The following ATIC variants were observed in gnomAD, a reference collection of about 807,000 sequenced individuals.
ATIC encodes the protein 5-aminoimidazole-4-carboxamide ribonucleotide formyltransferase/IMP cyclohydrolase.
Under a neutral mutation model 72.5 loss-of-function variants are expected in ATIC, and 64 were observed. That is an observed-to-expected ratio of 0.88 (90% CI 0.72 to 1.09). The LOEUF (loss-of-function observed/expected upper bound fraction) is 1.09. Ranked by LOEUF, ATIC falls within the 50% of genes least tolerant of loss-of-function variation. The pLI, the probability that ATIC is intolerant of heterozygous loss-of-function variation, is 0.00. For missense variants in ATIC, 787 were observed against 732.4 expected, an observed-to-expected ratio of 1.07 and a Z score of -0.86; for synonymous variants, 281 against 267.1, an observed-to-expected ratio of 1.05 and a Z score of -0.51.
intron 14 of ATIC, chr2:215,347,498 C>G: frequency 2.2e-6 from 1 of 450,270 alleles, no homozygotes; most frequent in Non-Finnish European, 4.4e-6. Context: ...AAGAAAAGAT[C>G]TAGCCCAGTT....
chr2:215,350,413 G>A (rs931769187), downstream of ATIC, among the ~76,000 whole-genome samples: 6 of 152,102 alleles, frequency 3.9e-5, no homozygotes, highest in East Asian at 1.9e-4. Context: ...GATTACGGGC[G>A]TGAGCCACCG....
intron 4 of ATIC, among the ~76,000 whole-genome samples, chr2:215,320,574 CTTAAT>C (rs1183478807): frequency 5.3e-5 from 8 of 151,854 alleles, no homozygotes; most frequent in Admixed American, 3.3e-4. Flanking sequence ...AACTTTTATT[CTTAAT>C]TTAATTTAAT....
At position 215,346,804 on chromosome 2, in the gene ATIC, C is replaced by A. The variant is rs534692502; in HGVS notation, c.1366C>A (p.Arg456Ser). 1.9e-6 allele frequency: 3 copies of A among 1,614,152 alleles called. No homozygotes were observed. In the Admixed American group the frequency reaches 5.0e-5, roughly 27 times the overall value. Residue 456 changes from arginine (R) to serine (S), a missense_variant, in exon 14 of 16, where the codon CGC (arginine) becomes AGC (serine). By Grantham distance (110) the Arg-to-Ser change is moderately radical. Transcript: ENST00000236959. The stretch of plus-strand genomic sequence containing the variant: ...ACAGCAGTCTCGTATACACTGCACT[C>A]GCCTTGCAGGAGATAAGGCAAACTA... ...AGQQSRIHCTRLAGDKANYWW... is the reference protein window; with the variant it reads ...AGQQSRIHCTSLAGDKANYWW...
Position 215,349,674 on chromosome 2 carries a change from T to G in ATIC, c.*19T>G. On this transcript the variant is annotated 3_prime_UTR_variant, in exon 16 of 16. Coordinates refer to ENST00000236959, the MANE Select transcript of ATIC (RefSeq NM_004044.7). ...CCACTGATTTTACCACACACTGTTT[T>G]TTGGCTTGCTTATGTGTAGGTGAAC... 1 of 1,614,158 alleles carries G rather than the reference T, an allele frequency of 6.2e-7. No individual in the cohort carries two copies. Among genetic ancestry groups the G allele is most frequent in the Non-Finnish European group, 8.5e-7 (1 of 1,180,022 alleles).
the ATIC span, among the ~76,000 whole-genome samples, chr2:215,356,087 C>G: frequency 5.3e-5 from 8 of 152,214 alleles, no homozygotes; most frequent in African/African-American, 1.7e-4. Context: ...CCCGCACTTT[C>G]AATTTGTAGA....
chr2:215,333,134 G>A (rs1286830771), intron 8 of ATIC, among the ~76,000 whole-genome samples: 1 of 152,126 alleles, frequency 6.6e-6, no homozygotes, highest in Non-Finnish European at 1.5e-5. Context: ...GTGGCTCTGT[G>A]GTTTTGGAGG....
chr2:215,333,182 A>G (rs1015363238), intron 8 of ATIC, among the ~76,000 whole-genome samples, 168 bp from the exon 9 acceptor site: 2 of 152,340 alleles, frequency 1.3e-5, no homozygotes, highest in Middle Eastern at 3.4e-3. Flanking sequence ...TCCCACAACC[A>G]TATTTTTAGT....
At chr2:215,335,716 T>C (rs930156232) in intron 10 of ATIC, among the ~76,000 whole-genome samples, 2 of 152,238 alleles carry the variant, frequency 1.3e-5, no homozygotes, top group African/African-American at 2.4e-5. Context: ...AGGACTAGAA[T>C]GTGCTCTTGC....
chr2:215,338,741 G>A lies in ATIC; in HGVS notation c.1099-38G>A, dbSNP rs1317582730. 4 of 1,603,806 alleles carry A rather than the reference G, an allele frequency of 2.5e-6. No homozygotes were observed. The African/African-American group carries it at 5.4e-5, about 22-fold the overall frequency. ...ATTAAATGAAAAATTTGAGGGAAGT[G>A]GAGAGATTAACTTTAACTTTTAAAA... On this transcript the variant is annotated intron_variant, in intron 11 of 15. Coordinates refer to ENST00000236959, the MANE Select transcript of ATIC (RefSeq NM_004044.7).
At position 215,333,271 on chromosome 2, in the gene ATIC, A is replaced by G; in HGVS notation, c.815-79A>G. 3 of 1,252,902 alleles carry G rather than the reference A, an allele frequency of 2.4e-6. No homozygotes were observed. The South Asian group carries it at 3.6e-5, about 15-fold the overall frequency. 77.6% of individuals were successfully genotyped at this position (1,252,902 alleles called of 1,614,324 possible). A position where few individuals can be genotyped will look rare whatever the true frequency, so the allele number is the denominator to read the frequency against. ...AATGTGCTGCGTAGACTGGGTGTTA[A>G]GAAAACTGTCTTGATTTAGGAGTTG... On this transcript the variant is annotated intron_variant, in intron 8 of 15. Coordinates refer to ENST00000236959, the MANE Select transcript of ATIC (RefSeq NM_004044.7).
chr2:215,356,355 T>C, the ATIC span, among the ~76,000 whole-genome samples: 1 of 152,250 alleles, frequency 6.6e-6, no homozygotes, highest in African/African-American at 2.4e-5. Flanking sequence ...ACAAAGTTTC[T>C]GAGTTCCTTC....
chr2:215,314,573 A>G (rs1575111804), intron 2 of ATIC, among the ~76,000 whole-genome samples: 2 of 151,270 alleles, frequency 1.3e-5, no homozygotes, highest in Admixed American at 1.3e-4. Context: ...GTCTCAGCTC[A>G]CTGCAACCTC....
chr2:215,367,993 C>T, the ATIC span: 8 of 1,614,014 alleles, frequency 5.0e-6, no homozygotes, highest in Admixed American at 3.3e-5. Context: ...GGTCAAAGCA[C>T]GAGTCATCCG....
At chr2:215,358,737 G>A in the ATIC span, among the ~76,000 whole-genome samples, 1 of 152,162 alleles carries the variant, frequency 6.6e-6, no homozygotes. Context: ...TCACTTTGGA[G>A]AATCCAACAG....
At chr2:215,313,745 C>G (rs1051238479) in intron 2 of ATIC, among the ~76,000 whole-genome samples, 5 of 152,106 alleles carry the variant, frequency 3.3e-5, no homozygotes, top group Non-Finnish European at 7.4e-5. Context: ...TTAACAAGTT[C>G]AGATGGTAAG....
chr2:215,341,898 C>T (rs1280820836), intron 12 of ATIC, among the ~76,000 whole-genome samples: 1 of 152,086 alleles, frequency 6.6e-6, no homozygotes, highest in Admixed American at 6.6e-5. Flanking sequence ...TTAATTGACT[C>T]ACAGTTCCAC....
the ATIC span, chr2:215,362,173 A>G: frequency 2.1e-5 from 18 of 841,972 alleles, no homozygotes; most frequent in Non-Finnish European, 3.2e-5. Flanking sequence ...GTCACATCAT[A>G]TGCACTGGCA....
chr2:215,349,701 G>A lies in ATIC; in HGVS notation c.*46G>A, dbSNP rs956555453. 6.2e-7 allele frequency: 1 copy of A among 1,613,844 alleles called. No homozygotes were observed. The highest frequency in any genetic ancestry group is 8.5e-7 in the Non-Finnish European group (1 of 1,179,894). On this transcript the variant is annotated 3_prime_UTR_variant, in exon 16 of 16. Coordinates refer to ENST00000236959, the MANE Select transcript of ATIC (RefSeq NM_004044.7). ...TGGCTTGCTTATGTGTAGGTGAACA[G>A]TCACGCCTGAAACTTTGAGGATAAC...
chr2:215,357,286 T>C, the ATIC span, among the ~76,000 whole-genome samples: 2 of 152,230 alleles, frequency 1.3e-5, no homozygotes, highest in African/African-American at 2.4e-5. Flanking sequence ...TGGCCTTTGA[T>C]GTATCTTGCC....
Sources: gnomAD v4.1 joint callset for allele counts (sites outside exome capture counted in the v4.1 genomes callset) on GRCh38, gnomAD v4.1.1 for gene constraint, MANE v1.5 for transcripts, NCBI Gene and HGNC (gene_info 2026-07-23, HGNC 2026-07-21) for gene names.